The following CCT8 variants were observed in gnomAD, a reference collection of about 807,000 sequenced individuals.
CCT8 encodes T-complex protein 1 subunit theta.
In CCT8, 10 loss-of-function variants were observed where a neutral mutation model predicts 65.7. The observed-to-expected ratio is 0.15, with a 90% CI of 0.09 to 0.26. The LOEUF (loss-of-function observed/expected upper bound fraction) is 0.26, where lower values mean the gene tolerates loss of function less well. CCT8 is among the 10% of genes least tolerant of loss of function. The pLI, the probability that CCT8 is intolerant of heterozygous loss-of-function variation, is 1.00. For missense variants in CCT8, 568 were observed against 669.1 expected (o/e 0.85, Z 1.67); for synonymous variants, 199 against 221.8 (o/e 0.90, Z 0.92).
At chr21:29,057,908 G>A (rs1371265905) in intron 14 of CCT8, among the ~76,000 whole-genome samples, 3 of 151,514 alleles carry the variant, frequency 2.0e-5, no homozygotes, top group Non-Finnish European at 4.4e-5. Flanking sequence ...CCAGCTATTC[G>A]GGATGTTAAG....
intron 7 of CCT8, 46 bp downstream of exon 7, chr21:29,064,922 A>C: frequency 6.3e-7 from 1 of 1,577,724 alleles, no homozygotes; most frequent in South Asian, 1.1e-5. Flanking sequence ...AAACAATCTG[A>C]AAGTGCAACC....
At position 29,069,511 on chromosome 21, in the gene CCT8, T is replaced by C. The variant is rs747606676; in HGVS notation, c.152-9A>G. 2.6e-6 allele frequency: 4 copies of C among 1,519,250 alleles called. No homozygotes were observed. The highest frequency in any genetic ancestry group is 1.8e-6 in the Non-Finnish European group (2 of 1,129,784). 94.1% of individuals were successfully genotyped at this position (1,519,250 alleles called of 1,614,324 possible). A position where few individuals can be genotyped will look rare whatever the true frequency, so the allele number is the denominator to read the frequency against. Reference sequence around the variant, plus strand: ...AACCATTTTGTTCATTCCTCAAAAGTAACAGTTAAAAAAAGAAAAAGAAAG... The same window carrying C: ...AACCATTTTGTTCATTCCTCAAAAGCAACAGTTAAAAAAAGAAAAAGAAAG... On this transcript the variant is annotated splice_polypyrimidine_tract_variant and intron_variant, in intron 2 of 14. Transcript: ENST00000286788.
At chr21:29,060,940 A>G (rs997516583) in intron 13 of CCT8, among the ~76,000 whole-genome samples, 1 of 152,222 alleles carries the variant, frequency 6.6e-6, no homozygotes, top group South Asian at 2.1e-4. Context: ...GATTAATTAT[A>G]TAACATAGTG....
At chr21:29,069,229 ATTTT>A (rs2085656284) in intron 3 of CCT8, among the ~76,000 whole-genome samples, 190 bp downstream of exon 3, 1 of 152,186 alleles carries the variant, frequency 6.6e-6, no homozygotes, top group African/African-American at 2.4e-5. Context: ...AACTTGAGAG[ATTTT>A]TAAGATTTCA....
At chr21:29,063,271 C>T (rs910395190) in intron 8 of CCT8, 81 bp downstream of exon 8, 1 of 1,073,656 alleles carries the variant, frequency 9.3e-7, no homozygotes, top group Non-Finnish European at 1.4e-6. Context: ...TAACAGTCTT[C>T]ATGGTCTATT....
In CCT8 at chr21:29,061,239, G is replaced by T; in HGVS notation, c.1449+14C>A. ...CCAAATAAAGCAATTTAAGTTCAGT[G>T]TTTTTTCAAATACCTCAATATCTAA... is the stretch of plus-strand genomic sequence containing the variant. On this transcript the variant is annotated intron_variant, in intron 13 of 14. Coordinates refer to ENST00000286788, the MANE Select transcript of CCT8 (RefSeq NM_006585.4). The T allele has an allele frequency of 6.2e-7, 1 of 1,600,912 alleles. No homozygotes were observed. The highest frequency in any genetic ancestry group is 8.6e-7 in the Non-Finnish European group (1 of 1,169,548).
intron 6 of CCT8, 135 bp downstream of exon 6, chr21:29,066,581 A>C: frequency 1.8e-6 from 1 of 542,578 alleles, no homozygotes. Flanking sequence ...GCCTCAAAAA[A>C]AGTCCTAAGT....
Position 29,066,992 on chromosome 21 carries a change from A to C in CCT8, c.461T>G (p.Leu154Arg). ...AGATGAGACTTCATCAATATCTCGAAGGTTTTTTGCAGAACAACATACCAA... is the reference window on the plus strand; with the variant it reads ...AGATGAGACTTCATCAATATCTCGACGGTTTTTTGCAGAACAACATACCAA... ...PNLVCCSAKN[L>R]RDIDEVSSLL... The change falls in exon 5 of 15, where the codon CTT (leucine) becomes CGT (arginine). Residue 154 changes from leucine to arginine, a missense_variant. Coordinates refer to ENST00000286788, the MANE Select transcript of CCT8 (RefSeq NM_006585.4). 1 of 1,613,676 alleles carries C rather than the reference A, an allele frequency of 6.2e-7. No individual in the cohort carries two copies. Among genetic ancestry groups the C allele is most frequent in the Non-Finnish European group, 8.5e-7 (1 of 1,179,664 alleles).
At chr21:29,066,605 A>C in intron 6 of CCT8, 111 bp downstream of exon 6, 1 of 620,256 alleles carries the variant, frequency 1.6e-6, no homozygotes, top group Non-Finnish European at 2.8e-6. Context: ...CAAATCATGA[A>C]GTAACATTTA....
chr21:29,067,544 A>G lies in CCT8; in HGVS notation c.381+12T>C. 2.8e-6 allele frequency: 4 copies of G among 1,440,200 alleles called. No individual in the cohort carries two copies. The highest frequency in any genetic ancestry group is 3.6e-6 in the Non-Finnish European group (4 of 1,100,364). 89.2% of individuals were successfully genotyped at this position (1,440,200 alleles called of 1,614,324 possible). On this transcript the variant is annotated intron_variant, in intron 4 of 14. Transcript: ENST00000286788. ...AAAATTTAGTAGGAGTAAATTATAAATGAACACTTGCCTCTGAAACTGACA... is the reference window on the plus strand; with the variant it reads ...AAAATTTAGTAGGAGTAAATTATAAGTGAACACTTGCCTCTGAAACTGACA...
chr21:29,069,877 G>T (rs1325419714), intron 2 of CCT8, among the ~76,000 whole-genome samples: 4 of 152,164 alleles, frequency 2.6e-5, no homozygotes, highest in Non-Finnish European at 5.9e-5. Context: ...TTTATTCCAT[G>T]AAACTGTATC....
intron 13 of CCT8, 77 bp downstream of exon 13, chr21:29,061,174 ATT>A: frequency 8.8e-7 from 1 of 1,134,196 alleles, no homozygotes; most frequent in East Asian, 2.4e-5. Flanking sequence ...TCTCATTGAT[ATT>A]TCTTTTAAAC....
chr21:29,069,846 C>A (rs2085662683), intron 2 of CCT8, among the ~76,000 whole-genome samples: 1 of 152,154 alleles, frequency 6.6e-6, no homozygotes, highest in Non-Finnish European at 1.5e-5. Flanking sequence ...AAATAATCTA[C>A]TTAGTATATT....
At chr21:29,065,889 T>C (rs2146433980) in intron 6 of CCT8, among the ~76,000 whole-genome samples, 1 of 152,240 alleles carries the variant, frequency 6.6e-6, no homozygotes, top group South Asian at 2.1e-4. Flanking sequence ...GAGACCAGCC[T>C]GGCCAACATG....
At chr21:29,062,997 T>G in intron 8 of CCT8, 1 of 324,830 alleles carries the variant, frequency 3.1e-6, no homozygotes, top group East Asian at 6.7e-5. Context: ...ATGGGTTAAG[T>G]TGTCTAGTGT....
chr21:29,067,184 G>T (rs2085633635), intron 4 of CCT8, 113 bp from the exon 5 acceptor site: 1 of 762,746 alleles, frequency 1.3e-6, no homozygotes, highest in Admixed American at 3.1e-5. Flanking sequence ...ATATACTTCG[G>T]AATAAAACAT....
rs58847852 is a variant in CCT8 at position 29,056,573 on chromosome 21, C to G, written c.1570-21G>C. 7.0e-4 allele frequency: 1,019 copies of G among 1,463,702 alleles called. 5 individuals carry two copies. The African/African-American group carries it at 0.013, about 19-fold the overall frequency. The allele number at this position is 1,463,702 out of a possible 1,614,324, so 90.7% of individuals were successfully genotyped here. On this transcript the variant is annotated intron_variant, in intron 14 of 14. Coordinates refer to ENST00000286788, the MANE Select transcript of CCT8 (RefSeq NM_006585.4). ...ATGATCTGCATAAAAAAGAATCACA[C>G]AAGAGTATGCTTATCAACTTAACCT...
At chr21:29,064,537 A>G (rs1449537063) in intron 7 of CCT8, among the ~76,000 whole-genome samples, 1 of 152,092 alleles carries the variant, frequency 6.6e-6, no homozygotes, top group Non-Finnish European at 1.5e-5. Context: ...AGAATTCTAG[A>G]GATGAAGTCA....
At chr21:29,059,909 C>T (rs946886285) in intron 14 of CCT8, 3 of 152,058 alleles carry the variant, frequency 2.0e-5, no homozygotes, top group African/African-American at 7.2e-5. Context: ...TGTATACTGT[C>T]CCTCTAGCAA....
Sources: gnomAD v4.1 joint callset for allele counts (sites outside exome capture counted in the v4.1 genomes callset) on GRCh38, gnomAD v4.1.1 for gene constraint, MANE v1.5 for transcripts, NCBI Gene and HGNC (gene_info 2026-07-23, HGNC 2026-07-21) for gene names.